The following SHISA9 variants were observed in gnomAD, a reference collection of about 807,000 sequenced individuals.
The protein encoded by SHISA9 is protein shisa-9.
Under a neutral mutation model 38.0 loss-of-function variants are expected in SHISA9, and 13 were observed. The observed-to-expected ratio is 0.34, with a 90% confidence interval of 0.22 to 0.54. The LOEUF is 0.54. Among genes scored for constraint, SHISA9 ranks in the 20% least tolerant of loss-of-function variants. SHISA9 has a pLI of 0.91. For synonymous variants in SHISA9, 275 were observed against 242.0 expected (o/e 1.14, Z -1.27); for missense variants, 538 against 575.8 (o/e 0.93, Z 0.67).
At chr16:12,940,510 G>A (rs1421545824) in intron 2 of SHISA9, among the ~76,000 whole-genome samples, 1 of 151,860 alleles carries the variant, frequency 6.6e-6, no homozygotes, top group African/African-American at 2.4e-5. Context: ...ATCAGGACTA[G>A]TTTAGACTGT....
intron 2 of SHISA9, among the ~76,000 whole-genome samples, chr16:12,921,847 C>T (rs1317409711): frequency 6.6e-6 from 1 of 152,122 alleles, no homozygotes; most frequent in African/African-American, 2.4e-5. Flanking sequence ...GCATATATAA[C>T]AGTAAAAAAT....
At chr16:13,269,865 G>A in the SHISA9 span, among the ~76,000 whole-genome samples, 1 of 152,136 alleles carries the variant, frequency 6.6e-6, no homozygotes, top group Admixed American at 6.5e-5. Flanking sequence ...TTTGATTCAA[G>A]GTCTGGAGCA....
chr16:13,092,513 C>T (rs1199099817), intron 2 of SHISA9, among the ~76,000 whole-genome samples: 6 of 152,208 alleles, frequency 3.9e-5, no homozygotes, highest in African/African-American at 1.4e-4. Context: ...TTTACCTACT[C>T]AAGCCTCAGC....
intron 2 of SHISA9, among the ~76,000 whole-genome samples, chr16:13,083,508 C>G (rs1159752666): frequency 6.6e-6 from 1 of 152,128 alleles, no homozygotes; most frequent in Non-Finnish European, 1.5e-5. Flanking sequence ...CAAGATTGTG[C>G]AGGGCAAGGA....
At chr16:13,381,157 G>C in the SHISA9 span, among the ~76,000 whole-genome samples, 1 of 152,138 alleles carries the variant, frequency 6.6e-6, no homozygotes, top group Non-Finnish European at 1.5e-5. Flanking sequence ...AAGAGGCAAA[G>C]ATAATAATCA....
At chr16:13,124,825 G>A (rs993003794) in intron 2 of SHISA9, among the ~76,000 whole-genome samples, 1 of 152,132 alleles carries the variant, frequency 6.6e-6, no homozygotes, top group African/African-American at 2.4e-5. Context: ...CACACTTGTG[G>A]TAAACTCATT....
chr16:13,316,253 A>G, the SHISA9 span, among the ~76,000 whole-genome samples: 1 of 152,132 alleles, frequency 6.6e-6, no homozygotes, highest in African/African-American at 2.4e-5. Context: ...AGAAACAACT[A>G]TTGCAAAAGT....
the SHISA9 span, among the ~76,000 whole-genome samples, chr16:13,561,986 CTTTTT>C: frequency 2.6e-5 from 4 of 152,316 alleles, no homozygotes; most frequent in African/African-American, 9.6e-5. Context: ...AGCTCTGTCT[CTTTTT>C]AACTCCTGGT....
intron 2 of SHISA9, among the ~76,000 whole-genome samples, chr16:12,969,716 T>C (rs574477357): frequency 6.6e-6 from 1 of 152,268 alleles, no homozygotes; most frequent in East Asian, 1.9e-4. Context: ...CATTGCACTC[T>C]AGCCTGGGAG....
In SHISA9 at chr16:13,235,708, G is replaced by A. The variant is rs1243806479; in HGVS notation, c.*299G>A. 3 of 351,628 alleles carry A rather than the reference G, an allele frequency of 8.5e-6. No individual in the cohort carries two copies. Among genetic ancestry groups the A allele is most frequent in the African/African-American group, 2.1e-5 (1 of 47,720 alleles). 21.8% of individuals were successfully genotyped at this position (351,628 alleles called of 1,614,324 possible). A position where few individuals can be genotyped will look rare whatever the true frequency, so the allele number is the denominator to read the frequency against. On this transcript the variant is annotated 3_prime_UTR_variant, in exon 5 of 5. Coordinates refer to ENST00000558583, the MANE Select transcript of SHISA9 (RefSeq NM_001145204.3). ...GATGGCCAACTCACATGCCCAAACCGTGGGGCTGAGTTTTCTTTTCCTCCT... is the reference window on the plus strand; with the variant it reads ...GATGGCCAACTCACATGCCCAAACCATGGGGCTGAGTTTTCTTTTCCTCCT...
intron 2 of SHISA9, among the ~76,000 whole-genome samples, chr16:13,084,752 GACCATA>G (rs2073692028): frequency 6.6e-6 from 1 of 151,982 alleles, no homozygotes; most frequent in Non-Finnish European, 1.5e-5. Flanking sequence ...TTAGACCATA[GACCATA>G]GACCATAGAC....
the SHISA9 span, among the ~76,000 whole-genome samples, chr16:13,402,091 A>G: frequency 2.1e-4 from 31 of 150,474 alleles, no homozygotes; most frequent in African/African-American, 7.3e-4. Flanking sequence ...CAGCCAAACC[A>G]TATAATCAGT....
chr16:13,345,763 T>C, the SHISA9 span, among the ~76,000 whole-genome samples: 14,484 of 152,188 alleles, frequency 0.095, 775 homozygotes, highest in South Asian at 0.22. Context: ...CCAGCATCTG[T>C]TATTTTTTGA....
chr16:13,303,035 G>T, the SHISA9 span, among the ~76,000 whole-genome samples: 6 of 152,208 alleles, frequency 3.9e-5, no homozygotes, highest in East Asian at 1.2e-3. Flanking sequence ...ACCCAGTCTC[G>T]GGTATTCCTT....
chr16:13,275,083 C>T, the SHISA9 span, among the ~76,000 whole-genome samples: 2 of 152,082 alleles, frequency 1.3e-5, no homozygotes, highest in Admixed American at 6.6e-5. Context: ...GCAGCTCTAC[C>T]GTCTACCAGC....
At chr16:13,075,308 T>C (rs2073567618) in intron 2 of SHISA9, among the ~76,000 whole-genome samples, 1 of 152,200 alleles carries the variant, frequency 6.6e-6, no homozygotes, top group African/African-American at 2.4e-5. Context: ...CACCATGTTG[T>C]GATCTCTAGC....
At chr16:12,924,228 C>T (rs942053799) in intron 2 of SHISA9, among the ~76,000 whole-genome samples, 12 of 152,020 alleles carry the variant, frequency 7.9e-5, no homozygotes, top group South Asian at 2.1e-4. Context: ...GAGGGAAAGG[C>T]GAGGTAGACG....
the SHISA9 span, among the ~76,000 whole-genome samples, chr16:13,393,642 G>A: frequency 5.3e-5 from 8 of 152,314 alleles, no homozygotes; most frequent in African/African-American, 1.2e-4. Context: ...TATCAGGGAC[G>A]TTGGCTAGAG....
chr16:13,509,073 C>T, the SHISA9 span, among the ~76,000 whole-genome samples: 43 of 152,048 alleles, frequency 2.8e-4, no homozygotes, highest in Non-Finnish European at 5.4e-4. Context: ...AATTAGCTTT[C>T]GTGAATAGGA....
Sources: allele counts gnomAD v4.1 joint callset (sites outside exome capture counted in the v4.1 genomes callset), GRCh38; gene constraint gnomAD v4.1.1; transcripts MANE v1.5; gene names NCBI Gene and HGNC (gene_info 2026-07-23, HGNC 2026-07-21).